Variants in DLG2 observed in about 807,000 individuals in gnomAD.
DLG2 encodes the protein disks large homolog 2.
Under a neutral mutation model 132.5 loss-of-function variants are expected in DLG2, and 45 were observed. The observed-to-expected ratio is 0.34, with a 90% confidence interval of 0.27 to 0.44. The LOEUF is 0.44. Among genes scored for constraint, DLG2 ranks in the 20% least tolerant of loss-of-function variants. The pLI is 1.00. For synonymous variants in DLG2, 424 were observed against 419.6 expected (o/e 1.01, Z -0.13); for missense variants, 1,045 against 1,196.9 (o/e 0.87, Z 1.87).
At chr11:85,055,249 G>A (rs986801282) in intron 6 of DLG2, among the ~76,000 whole-genome samples, 16 of 151,982 alleles carry the variant, frequency 1.1e-4, no homozygotes, top group African/African-American at 3.9e-4. Flanking sequence ...ACCAGACAAA[G>A]AGAGAGAGAG....
At chr11:85,137,112 A>T (rs2076184763) in intron 5 of DLG2, among the ~76,000 whole-genome samples, 1 of 152,122 alleles carries the variant, frequency 6.6e-6, no homozygotes, top group South Asian at 2.1e-4. Context: ...GTAAGAAGGT[A>T]TGGTTTAGAA....
rs2044729101 is a variant in DLG2, at chr11:83,802,578, T to C, written c.1723-15786A>G. On this transcript the variant is annotated intron_variant, in intron 17 of 27. Coordinates refer to ENST00000376104, the MANE Select transcript of DLG2 (RefSeq NM_001142699.3). ...TTTTTTGTGATTTCTGGGTTTCAGG[T>C]ATTAAAATATCACTATTTAATCTAC... 2.0e-5 allele frequency among the ~76,000 whole-genome samples: 3 copies of C among 152,290 alleles called. No homozygotes were observed. The South Asian group carries it at 6.2e-4, about 32-fold the overall frequency.
intron 6 of DLG2, among the ~76,000 whole-genome samples, chr11:84,925,169 A>G (rs1256281558): frequency 6.6e-6 from 1 of 152,078 alleles, no homozygotes; most frequent in African/African-American, 2.4e-5. Context: ...TATTTTATTA[A>G]TATTATTTTA....
chr11:83,703,392 G>A (rs1203715752), intron 18 of DLG2, among the ~76,000 whole-genome samples: 1 of 152,236 alleles, frequency 6.6e-6, no homozygotes. Flanking sequence ...GCTAATGCCT[G>A]TAATCCCAGC....
intron 19 of DLG2, among the ~76,000 whole-genome samples, chr11:83,550,207 T>C (rs973235306): frequency 6.6e-5 from 10 of 152,220 alleles, no homozygotes; most frequent in African/African-American, 1.7e-4. Flanking sequence ...ATAGAACTAA[T>C]TGGACACCAA....
In DLG2 at chr11:85,058,936, G is replaced by C. The variant is rs1212630967; in HGVS notation, c.357+52725C>G. Reference sequence around the variant, plus strand: ...CATAAAAAATATTTTAACAAACTTGGAGTCTGCATAGATTTCCTAAAAAGG... The same window carrying C: ...CATAAAAAATATTTTAACAAACTTGCAGTCTGCATAGATTTCCTAAAAAGG... On this transcript the variant is annotated intron_variant, in intron 6 of 27. Coordinates refer to ENST00000376104, the MANE Select transcript of DLG2 (RefSeq NM_001142699.3). 2.6e-5 allele frequency among the ~76,000 whole-genome samples: 4 copies of C among 151,166 alleles called. No individual in the cohort carries two copies. In the East Asian group the frequency reaches 7.8e-4, roughly 29 times the overall value.
chr11:83,729,421 G>A (rs1027576062), intron 18 of DLG2, among the ~76,000 whole-genome samples: 8 of 152,136 alleles, frequency 5.3e-5, no homozygotes, highest in East Asian at 1.9e-4. Flanking sequence ...GGGACAGCCC[G>A]AGCCTTCCTG....
At chr11:85,220,880 T>C (rs1018202293) in intron 4 of DLG2, among the ~76,000 whole-genome samples, 2 of 151,990 alleles carry the variant, frequency 1.3e-5, no homozygotes, top group Non-Finnish European at 2.9e-5. Context: ...TATCACAATT[T>C]GTCTTGGCAA....
chr11:84,667,459 T>C (rs1276622553), intron 6 of DLG2, among the ~76,000 whole-genome samples: 2 of 151,100 alleles, frequency 1.3e-5, no homozygotes, highest in Non-Finnish European at 3.0e-5. Context: ...GGATAGAACA[T>C]TGATTCAAGT....
chr11:85,149,401 T>A (rs1448424945), intron 5 of DLG2, among the ~76,000 whole-genome samples: 1 of 152,238 alleles, frequency 6.6e-6, no homozygotes, highest in Non-Finnish European at 1.5e-5. Flanking sequence ...TATACTTGTT[T>A]GAGTTGTCTC....
intron 6 of DLG2, among the ~76,000 whole-genome samples, chr11:84,751,636 A>G (rs1428072985): frequency 1.3e-5 from 2 of 152,150 alleles, no homozygotes; most frequent in Non-Finnish European, 2.9e-5. Flanking sequence ...TTCTATGAAC[A>G]CTACAACTCA....
intron 4 of DLG2, among the ~76,000 whole-genome samples, chr11:85,155,858 C>CAA (rs199571938): frequency 1.1e-3 from 115 of 105,406 alleles, no homozygotes; most frequent in Middle Eastern, 4.9e-3. Context: ...GACTCTGTAT[C>CAA]AAAAAAAAAA....
At chr11:84,427,514 C>T (rs2098970787) in intron 7 of DLG2, among the ~76,000 whole-genome samples, 1 of 151,864 alleles carries the variant, frequency 6.6e-6, no homozygotes, top group Non-Finnish European at 1.5e-5. Flanking sequence ...GGGTAAAGGA[C>T]AGAAGTCAAC....
chr11:85,151,329 G>C (rs2077234029), intron 5 of DLG2, among the ~76,000 whole-genome samples: 1 of 149,844 alleles, frequency 6.7e-6, no homozygotes, highest in Non-Finnish European at 1.5e-5. Context: ...TTTCACTCTG[G>C]TCATTGTTTT....
intron 11 of DLG2, among the ~76,000 whole-genome samples, chr11:84,038,502 A>G (rs979736983): frequency 6.6e-6 from 1 of 152,028 alleles, no homozygotes; most frequent in Non-Finnish European, 1.5e-5. Flanking sequence ...TTTTTTAAAA[A>G]AGTATTTGCT....
chr11:85,232,416 C>T (rs2075350435), intron 4 of DLG2, among the ~76,000 whole-genome samples: 1 of 151,674 alleles, frequency 6.6e-6, no homozygotes, highest in African/African-American at 2.4e-5. Flanking sequence ...TATTATTGAA[C>T]CATCAGAAAA....
At chr11:83,832,312 T>C (rs1036047392) in intron 17 of DLG2, among the ~76,000 whole-genome samples, 5 of 152,194 alleles carry the variant, frequency 3.3e-5, no homozygotes, top group African/African-American at 1.2e-4. Context: ...GTGATGGTTG[T>C]GTTATGGCAT....
chr11:84,174,008 C>A (rs910560639), intron 8 of DLG2, among the ~76,000 whole-genome samples: 5 of 26,746 alleles, frequency 1.9e-4, no homozygotes, highest in Admixed American at 8.8e-4. Flanking sequence ...GACTTCACCC[C>A]CCGGCCTTTT....
At chr11:84,291,543 TA>T (rs1201778554) in intron 7 of DLG2, among the ~76,000 whole-genome samples, 3 of 152,154 alleles carry the variant, frequency 2.0e-5, no homozygotes, top group African/African-American at 7.2e-5. Flanking sequence ...GCTTATTAAA[TA>T]AAGCAAAAAC....
Sources: gnomAD v4.1 joint callset for allele counts (sites outside exome capture counted in the v4.1 genomes callset) on GRCh38, gnomAD v4.1.1 for gene constraint, MANE v1.5 for transcripts, NCBI Gene and HGNC (gene_info 2026-07-23, HGNC 2026-07-21) for gene names.